The following CCDC15 variants were observed in gnomAD, a reference collection of about 807,000 sequenced individuals.
CCDC15 encodes the protein coiled-coil domain-containing protein 15.
CCDC15 carries 105 observed loss-of-function variants against 114.5 expected under a neutral mutation model. The ratio of observed to expected loss-of-function variants is 0.92; its 90% CI spans 0.78 to 1.08. The LOEUF (loss-of-function observed/expected upper bound fraction) is 1.08, where lower values mean the gene tolerates loss of function less well. Ranked by LOEUF, CCDC15 falls within the 50% of genes least tolerant of loss-of-function variation. CCDC15 has a pLI of 0.00. For synonymous variants in CCDC15, 334 were observed against 377.8 expected, an observed-to-expected ratio of 0.88 and a Z score of 1.34; for missense variants, 1,105 against 1,093.6, an observed-to-expected ratio of 1.01 and a Z score of -0.15.
chr11:125,036,083 C>T (rs923189344), intron 13 of CCDC15, among the ~76,000 whole-genome samples: 5 of 140,652 alleles, frequency 3.6e-5, no homozygotes, highest in Non-Finnish European at 6.1e-5. Context: ...TTTGTGCCTT[C>T]GGATAATTTC....
intron 6 of CCDC15, among the ~76,000 whole-genome samples, chr11:124,983,937 G>A (rs760598174): frequency 7.2e-5 from 11 of 152,268 alleles, no homozygotes; most frequent in Non-Finnish European, 1.5e-4. Flanking sequence ...TGGTGGCAGT[G>A]TCAGCATGTC....
At chr11:125,006,902 A>G (rs939938014) in intron 13 of CCDC15, among the ~76,000 whole-genome samples, 1 of 152,164 alleles carries the variant, frequency 6.6e-6, no homozygotes, top group African/African-American at 2.4e-5. Context: ...TTCTTTTGCC[A>G]TACCACACTG....
intron 13 of CCDC15, among the ~76,000 whole-genome samples, chr11:125,035,830 A>T (rs1004989332): frequency 6.6e-6 from 1 of 152,344 alleles, no homozygotes; most frequent in Non-Finnish European, 1.5e-5. Flanking sequence ...CAGTGATTAC[A>T]TAAACAAACT....
At chr11:125,027,351 C>T (rs979359659) in intron 13 of CCDC15, among the ~76,000 whole-genome samples, 1 of 152,186 alleles carries the variant, frequency 6.6e-6, no homozygotes, top group African/African-American at 2.4e-5. Context: ...TTTACATTCC[C>T]ACTAGCAGTG....
At chr11:124,975,544 C>G (rs2135459372) in intron 5 of CCDC15, among the ~76,000 whole-genome samples, 1 of 152,190 alleles carries the variant, frequency 6.6e-6, no homozygotes, top group East Asian at 1.9e-4. Flanking sequence ...CAGCATTGTT[C>G]TAGAAACAGG....
At chr11:124,961,031 C>T (rs531862298) in intron 4 of CCDC15, among the ~76,000 whole-genome samples, 1 of 152,240 alleles carries the variant, frequency 6.6e-6, no homozygotes, top group East Asian at 1.9e-4. Flanking sequence ...AAATTTTTTT[C>T]TTTGTCCACA....
Position 124,991,536 on chromosome 11 carries a change from C to G in CCDC15, c.1984C>G (p.Gln662Glu), listed in dbSNP as rs1186163302. ...AGAAGACTTTTCTCTGGCAGACTAT[C>G]AGTGTTTGCCTCCCAAATCCCAGGA... ...GREDFSLADY[Q>E]CLPPKSQDQD... The change falls in exon 9 of 16, where the codon CAG (glutamine) becomes GAG (glutamate). Residue 662 changes from glutamine (Q) to glutamate (E), a missense_variant. Gln to Glu is a conservative substitution (Grantham distance 29). Coordinates refer to ENST00000344762, the MANE Select transcript of CCDC15 (RefSeq NM_025004.3). 6.2e-7 allele frequency: 1 copy of G among 1,609,456 alleles called. No individual in the cohort carries two copies. The highest frequency in any genetic ancestry group is 8.5e-7 in the Non-Finnish European group (1 of 1,177,000).
chr11:124,975,661 T>G (rs570200315), intron 5 of CCDC15, among the ~76,000 whole-genome samples: 1 of 152,088 alleles, frequency 6.6e-6, no homozygotes, highest in African/African-American at 2.4e-5. Flanking sequence ...TTTCAAGTGA[T>G]AAGTGCTATG....
At chr11:124,982,557 G>T (rs1457654848) in intron 6 of CCDC15, among the ~76,000 whole-genome samples, 3 of 152,138 alleles carry the variant, frequency 2.0e-5, no homozygotes, top group African/African-American at 7.2e-5. Flanking sequence ...GCTTAGTGTG[G>T]CTGGATGTGA....
chr11:124,983,069 C>T (rs1948098799), intron 6 of CCDC15, among the ~76,000 whole-genome samples: 1 of 152,084 alleles, frequency 6.6e-6, no homozygotes, highest in South Asian at 2.1e-4. Context: ...GTTCTTTCCT[C>T]AGCTTGGTTA....
intron 4 of CCDC15, among the ~76,000 whole-genome samples, chr11:124,970,874 C>T (rs759158026): frequency 7.2e-5 from 11 of 152,102 alleles, no homozygotes; most frequent in Non-Finnish European, 1.0e-4. Context: ...ATTTAAATCT[C>T]AAAATTTATA....
intron 13 of CCDC15, among the ~76,000 whole-genome samples, chr11:125,026,087 C>G (rs1484136210): frequency 6.6e-6 from 1 of 152,010 alleles, no homozygotes; most frequent in African/African-American, 2.4e-5. Flanking sequence ...CTTAGCTGCC[C>G]CAGCTGGTAT....
intron 13 of CCDC15, among the ~76,000 whole-genome samples, chr11:125,015,574 T>G (rs928418980): frequency 7.2e-5 from 11 of 152,102 alleles, no homozygotes; most frequent in African/African-American, 2.2e-4. Flanking sequence ...CTGAAAGAAA[T>G]AAAACCAGTT....
At chr11:124,965,630 C>G (rs1375044414) in intron 4 of CCDC15, among the ~76,000 whole-genome samples, 1 of 152,076 alleles carries the variant, frequency 6.6e-6, no homozygotes, top group Non-Finnish European at 1.5e-5. Context: ...GTTTTTGTGT[C>G]TCTATCTCCT....
intron 13 of CCDC15, among the ~76,000 whole-genome samples, chr11:125,009,227 C>CA (rs5795440): frequency 7.2e-6 from 1 of 138,856 alleles, no homozygotes. Context: ...AACTCCGTCT[C>CA]AAAAAAAAAA....
chr11:124,975,279 C>A, intron 5 of CCDC15, 70 bp downstream of exon 5: 1 of 923,622 alleles, frequency 1.1e-6, no homozygotes. Context: ...TTACTTATAT[C>A]TCAGCATAAT....
chr11:125,016,510 A>G (rs1948630325), intron 13 of CCDC15, among the ~76,000 whole-genome samples: 3 of 152,194 alleles, frequency 2.0e-5, no homozygotes, highest in Admixed American at 2.0e-4. Context: ...CTAGTATAAC[A>G]ATTTCAGCAT....
At chr11:124,976,423 T>G (rs955270468) in intron 5 of CCDC15, among the ~76,000 whole-genome samples, 4 of 152,058 alleles carry the variant, frequency 2.6e-5, no homozygotes, top group African/African-American at 9.7e-5. Context: ...TGGCAACACA[T>G]CCCACGTGCG....
intron 13 of CCDC15, among the ~76,000 whole-genome samples, chr11:125,011,460 A>T (rs1035428192): frequency 2.0e-5 from 3 of 151,342 alleles, no homozygotes; most frequent in Non-Finnish European, 4.4e-5. Context: ...CTGATCTCGA[A>T]CTCCTGACCT....
Sources: gnomAD v4.1 joint callset for allele counts (sites outside exome capture counted in the v4.1 genomes callset) on GRCh38, gnomAD v4.1.1 for gene constraint, MANE v1.5 for transcripts, NCBI Gene and HGNC (gene_info 2026-07-23, HGNC 2026-07-21) for gene names.